Variants in SATB2 observed in about 807,000 individuals in gnomAD.
SATB2 encodes SATB homeobox 2.
Under a neutral mutation model 73.4 loss-of-function variants are expected in SATB2, and 1 was observed. The ratio of observed to expected loss-of-function variants is 0.01; its 90% confidence interval spans 0.00 to 0.06. The LOEUF is 0.06. Ranked by LOEUF, SATB2 falls within the 10% of genes least tolerant of loss-of-function variation. SATB2 has a pLI of 1.00. For synonymous variants in SATB2, 397 were observed against 367.0 expected (o/e 1.08, Z -0.93); for missense variants, 459 against 945.8 (o/e 0.49, Z 6.75).
chr2:199,435,905 C>T (rs1397211648), intron 2 of SATB2, among the ~76,000 whole-genome samples: 1 of 152,302 alleles, frequency 6.6e-6, no homozygotes, highest in African/African-American at 2.4e-5. Flanking sequence ...GGCATATAAT[C>T]TTTGCCCAAG....
chr2:199,441,692 G>A (rs1285536810), intron 2 of SATB2, among the ~76,000 whole-genome samples: 1 of 152,228 alleles, frequency 6.6e-6, no homozygotes, highest in African/African-American at 2.4e-5. Flanking sequence ...TAAAGTGGTA[G>A]GGAAGGGAGA....
chr2:199,327,237 C>A (rs149329754), intron 8 of SATB2, among the ~76,000 whole-genome samples: 2 of 152,026 alleles, frequency 1.3e-5, no homozygotes, highest in Non-Finnish European at 2.9e-5. Flanking sequence ...GTCAGGAGTT[C>A]GAGACCAGCA....
At chr2:199,323,685 G>A (rs1347249739) in intron 9 of SATB2, 118 bp downstream of exon 9, 21 of 1,141,390 alleles carry the variant, frequency 1.8e-5, no homozygotes, top group Non-Finnish European at 2.5e-5. Flanking sequence ...GAACATGACA[G>A]GTTTCTTGGG....
intron 10 of SATB2, among the ~76,000 whole-genome samples, chr2:199,286,265 C>G (rs1692685076): frequency 6.6e-6 from 1 of 152,048 alleles, no homozygotes; most frequent in Non-Finnish European, 1.5e-5. Context: ...TATCAAATAG[C>G]TATGAAGAGA....
intron 7 of SATB2, among the ~76,000 whole-genome samples, chr2:199,343,136 AC>A (rs1431809483): frequency 6.6e-6 from 1 of 151,682 alleles, no homozygotes. Context: ...ACACACACAC[AC>A]ATACACGATT....
In SATB2 at chr2:199,464,125, T is replaced by C. The variant is rs893441805; in HGVS notation, c.-141+711A>G. On this transcript the variant is annotated intron_variant, in intron 1 of 11. Transcript: ENST00000260926. The surrounding 1 kb of genome is among the most constrained non-coding windows in gnomAD (Gnocchi z 6.6). ...CTTCCCGAGCTGGCGCCTCGCCTGTTTTCTCGGTATCACGAATCCCCTCGG... is the reference window on the plus strand; with the variant it reads ...CTTCCCGAGCTGGCGCCTCGCCTGTCTTCTCGGTATCACGAATCCCCTCGG... Among the ~76,000 whole-genome samples the C allele has an allele frequency of 1.3e-5, 2 of 152,138 alleles. No homozygotes were observed. Among genetic ancestry groups the C allele is most frequent in the African/African-American group, 2.4e-5 (1 of 41,440 alleles).
chr2:199,276,877 G>T (rs1030577996), intron 10 of SATB2, among the ~76,000 whole-genome samples: 1 of 152,002 alleles, frequency 6.6e-6, no homozygotes, highest in Non-Finnish European at 1.5e-5. Context: ...CCTCTAAAAC[G>T]CATGCTCATA....
At chr2:199,331,252 TCTC>T (rs1439532634) in intron 7 of SATB2, among the ~76,000 whole-genome samples, 3 of 151,892 alleles carry the variant, frequency 2.0e-5, no homozygotes, top group South Asian at 2.1e-4. Context: ...TATAGCTTCT[TCTC>T]CTACATTTTT....
chr2:199,442,084 C>A (rs572369388), intron 2 of SATB2, among the ~76,000 whole-genome samples: 1 of 152,302 alleles, frequency 6.6e-6, no homozygotes, highest in South Asian at 2.1e-4. Context: ...ATGCCCCTCC[C>A]AACCCTGAGC....
At chr2:199,411,856 T>C (rs1690829821) in intron 3 of SATB2, among the ~76,000 whole-genome samples, 1 of 152,220 alleles carries the variant, frequency 6.6e-6, no homozygotes, top group Admixed American at 6.5e-5. Flanking sequence ...AGAAAGTAAC[T>C]AATGCTATTT....
intron 2 of SATB2, among the ~76,000 whole-genome samples, chr2:199,450,756 G>T (rs1692100595): frequency 1.3e-5 from 2 of 151,984 alleles, no homozygotes; most frequent in African/African-American, 4.8e-5. Context: ...AAAAATAGGG[G>T]TTTTAAATTA....
chr2:199,354,305 G>A (rs866818792), intron 6 of SATB2, among the ~76,000 whole-genome samples: 2 of 152,148 alleles, frequency 1.3e-5, no homozygotes, highest in Admixed American at 6.5e-5. Flanking sequence ...GCAGTGAGTC[G>A]AGATTGTGCC....
chr2:199,392,269 A>G (rs1301736987), intron 3 of SATB2, among the ~76,000 whole-genome samples: 1 of 151,904 alleles, frequency 6.6e-6, no homozygotes, highest in African/African-American at 2.4e-5. Flanking sequence ...TTTCCCTTCA[A>G]TTCACTGGCA....
At chr2:199,295,387 C>G (rs902381262) in intron 10 of SATB2, among the ~76,000 whole-genome samples, 2 of 151,638 alleles carry the variant, frequency 1.3e-5, no homozygotes, top group Non-Finnish European at 2.9e-5. Context: ...CTCAGTGTTT[C>G]GCTGGCAAAT....
At chr2:199,415,859 C>T (rs545115227) in intron 3 of SATB2, among the ~76,000 whole-genome samples, 8 of 152,310 alleles carry the variant, frequency 5.3e-5, no homozygotes, top group African/African-American at 1.7e-4. Flanking sequence ...AAGACTTCTG[C>T]GAGTATCCTC....
At chr2:199,424,685 T>C (rs1252009762) in intron 3 of SATB2, among the ~76,000 whole-genome samples, 1 of 152,152 alleles carries the variant, frequency 6.6e-6, no homozygotes, top group Non-Finnish European at 1.5e-5. Context: ...ATTCAGATGA[T>C]GAGAAATCTT....
At chr2:199,384,626 G>T (rs190983067) in intron 3 of SATB2, among the ~76,000 whole-genome samples, 1 of 152,342 alleles carries the variant, frequency 6.6e-6, no homozygotes, top group East Asian at 1.9e-4. Flanking sequence ...AAATTGGGAA[G>T]CAGTATACCA....
chr2:199,309,075 A>G (rs1687521824), intron 9 of SATB2, 118 bp from the exon 10 acceptor site: 3 of 866,856 alleles, frequency 3.5e-6, no homozygotes, highest in South Asian at 1.4e-5. Context: ...GTTCCTGCCA[A>G]CGTGGGGAGA....
At chr2:199,285,591 A>G (rs1691698021) in intron 10 of SATB2, among the ~76,000 whole-genome samples, 1 of 152,134 alleles carries the variant, frequency 6.6e-6, no homozygotes, top group South Asian at 2.1e-4. Flanking sequence ...TATTAAAAAA[A>G]AAAGTATCCA....
Sources: allele counts gnomAD v4.1 joint callset (sites outside exome capture counted in the v4.1 genomes callset), GRCh38; gene constraint gnomAD v4.1.1; non-coding constraint Gnocchi (gnomAD v3.1); transcripts MANE v1.5; gene names NCBI Gene and HGNC (gene_info 2026-07-23, HGNC 2026-07-21).